PAM: variants seen among roughly 807,000 people sequenced by gnomAD.
PAM encodes peptidylglycine alpha-amidating monooxygenase, also known as peptidyl-glycine alpha-amidating monooxygenase.
Under a neutral mutation model 122.1 loss-of-function variants are expected in PAM, and 72 were observed. The ratio of observed to expected loss-of-function variants is 0.59; its 90% CI spans 0.49 to 0.72. The LOEUF (loss-of-function observed/expected upper bound fraction) is 0.72, where lower values mean the gene tolerates loss of function less well. Among genes scored for constraint, PAM ranks in the 30% least tolerant of loss-of-function variants. The probability of loss-of-function intolerance (pLI) is 0.00; values close to 1 mark genes in which losing one functional copy is unlikely to be tolerated. For missense variants in PAM, 1,106 were observed against 1,183.7 expected (o/e 0.93, Z 0.96); for synonymous variants, 389 against 404.4 (o/e 0.96, Z 0.46).
rs1790397587 is a variant in PAM at position 102,879,830 on chromosome 5, A to G, written c.210+12437A>G. Among the ~76,000 whole-genome samples the G allele has an allele frequency of 2.0e-5, 3 of 152,372 alleles. No individual in the cohort carries two copies. The South Asian group carries it at 6.2e-4, about 32-fold the overall frequency. On this transcript the variant is annotated intron_variant, in intron 3 of 25. Coordinates refer to ENST00000438793, the MANE Select transcript of PAM (RefSeq NM_001177306.2). Reference sequence around the variant, plus strand: ...TGCTTCCGATATTTAGTGTAGTATCATGCTGTACAGGCTTACAGCCTAGAA... The same window carrying G: ...TGCTTCCGATATTTAGTGTAGTATCGTGCTGTACAGGCTTACAGCCTAGAA...
chr5:102,884,677 G>A (rs1792388218), intron 3 of PAM, among the ~76,000 whole-genome samples: 1 of 151,814 alleles, frequency 6.6e-6, no homozygotes, highest in African/African-American at 2.4e-5. Flanking sequence ...AAAGCATTTG[G>A]AACTATTCCA....
At chr5:102,795,660 A>G (rs1239926090) in intron 1 of PAM, among the ~76,000 whole-genome samples, 2 of 152,236 alleles carry the variant, frequency 1.3e-5, no homozygotes, top group African/African-American at 2.4e-5. Flanking sequence ...GATGAGGAAC[A>G]TACGTATTTG....
intron 21 of PAM, 85 bp from the exon 22 acceptor site, chr5:103,017,249 T>G: frequency 1.2e-6 from 1 of 867,946 alleles, no homozygotes; most frequent in Non-Finnish European, 1.9e-6. Context: ...TGTTTTGTTG[T>G]GGGCTTTGCT....
chr5:102,822,072 C>G (rs1478242195), intron 1 of PAM, among the ~76,000 whole-genome samples: 1 of 152,022 alleles, frequency 6.6e-6, no homozygotes, highest in Non-Finnish European at 1.5e-5. Flanking sequence ...TGGGTTAAAT[C>G]CAGAGATAAA....
chr5:102,776,692 T>A lies in PAM; in HGVS notation c.-374+21344T>A, dbSNP rs548254165. Reference sequence around the variant, plus strand: ...TAAAATTTACTCTCTTAACCATTTTTAAATGTACAGGTCAGTAGTATTAAG... The same window carrying A: ...TAAAATTTACTCTCTTAACCATTTTAAAATGTACAGGTCAGTAGTATTAAG... On this transcript the variant is annotated intron_variant, in intron 1 of 25. Coordinates refer to ENST00000438793, the MANE Select transcript of PAM (RefSeq NM_001177306.2). Among the ~76,000 whole-genome samples, 4 of 152,242 alleles carry A rather than the reference T, an allele frequency of 2.6e-5. No homozygotes were observed. In the East Asian group the frequency reaches 7.7e-4, roughly 29 times the overall value.
chr5:103,022,283 C>T (rs770874382), intron 23 of PAM, among the ~76,000 whole-genome samples: 1 of 151,708 alleles, frequency 6.6e-6, no homozygotes, highest in African/African-American at 2.4e-5. Flanking sequence ...TTTCATGTCC[C>T]GTAACCAGTT....
intron 14 of PAM, 118 bp from the exon 15 acceptor site, chr5:102,973,998 C>A: frequency 1.5e-6 from 1 of 653,766 alleles, no homozygotes; most frequent in Non-Finnish European, 2.6e-6. Flanking sequence ...AGTCTGAGTG[C>A]AAACTTCTCT....
chr5:102,790,549 G>T lies in PAM; in HGVS notation c.-374+35201G>T, dbSNP rs76433497. 6.9e-3 allele frequency among the ~76,000 whole-genome samples: 1,049 copies of T among 152,114 alleles called. 9 individuals carry two copies. Among genetic ancestry groups the T allele is most frequent in the Non-Finnish European group, 0.013 (875 of 67,886 alleles). Reference sequence around the variant, plus strand: ...AAGTGATGAGAAACCTATCCTAATAGTGTGGTATTAGGTTAGATAGAGCTT... The same window carrying T: ...AAGTGATGAGAAACCTATCCTAATATTGTGGTATTAGGTTAGATAGAGCTT... On this transcript the variant is annotated intron_variant, in intron 1 of 25. Coordinates refer to ENST00000438793, the MANE Select transcript of PAM (RefSeq NM_001177306.2).
chr5:103,021,024 T>C (rs565467200), intron 23 of PAM, among the ~76,000 whole-genome samples: 4 of 152,114 alleles, frequency 2.6e-5, no homozygotes, highest in East Asian at 3.9e-4. Context: ...AATAAAGACG[T>C]TGGGAAAGAT....
chr5:102,812,829 AT>A, intron 1 of PAM, among the ~76,000 whole-genome samples: 1 of 152,094 alleles, frequency 6.6e-6, no homozygotes, highest in Non-Finnish European at 1.5e-5. Flanking sequence ...TCTATCAAAA[AT>A]ACCTCCATAA....
intron 1 of PAM, chr5:102,864,669 A>AT (rs1210479331): frequency 6.6e-6 from 1 of 152,150 alleles, no homozygotes; most frequent in Non-Finnish European, 1.5e-5. Flanking sequence ...TATTACTGTG[A>AT]AACATTCCGA....
intron 5 of PAM, among the ~76,000 whole-genome samples, chr5:102,918,318 CTATT>C (rs1189921490): frequency 6.6e-6 from 1 of 152,098 alleles, no homozygotes; most frequent in Non-Finnish European, 1.5e-5. Context: ...TTGTTGCACT[CTATT>C]TGTGCTCTAT....
At chr5:102,968,222 GT>G (rs1393670902) in intron 14 of PAM, among the ~76,000 whole-genome samples, 1 of 152,130 alleles carries the variant, frequency 6.6e-6, no homozygotes, top group East Asian at 1.9e-4. Flanking sequence ...GTTTTTTATA[GT>G]AAGATTGATA....
chr5:102,884,072 T>C (rs1396250119), intron 3 of PAM, among the ~76,000 whole-genome samples: 2 of 151,836 alleles, frequency 1.3e-5, no homozygotes, highest in Non-Finnish European at 2.9e-5. Flanking sequence ...TATACATGTG[T>C]CTGTTTGGTT....
rs1777531412 is a variant in PAM, at chr5:102,837,938, G to A, written c.-373-27885G>A. On this transcript the variant is annotated intron_variant, in intron 1 of 25. Coordinates refer to ENST00000438793, the MANE Select transcript of PAM (RefSeq NM_001177306.2). ...TGGCATCATGCATATGCAGAAACCA[G>A]TATAGATATTTATAATTTTTCACAG... 2.6e-5 allele frequency: 4 copies of A among 152,134 alleles called. No homozygotes were observed. In the South Asian group the frequency reaches 8.3e-4, roughly 31 times the overall value. 9.4% of individuals were successfully genotyped at this position (152,134 alleles called of 1,614,324 possible).
chr5:102,973,500 G>A (rs563378649), intron 14 of PAM, among the ~76,000 whole-genome samples: 3 of 152,214 alleles, frequency 2.0e-5, no homozygotes, highest in Admixed American at 6.5e-5. Flanking sequence ...TGATTTAAAA[G>A]TATCCTTTGC....
intron 14 of PAM, among the ~76,000 whole-genome samples, chr5:102,970,657 T>C (rs1378354816): frequency 6.6e-6 from 1 of 152,144 alleles, no homozygotes; most frequent in Non-Finnish European, 1.5e-5. Flanking sequence ...AGAGTTCTTT[T>C]TCCAAAGATA....
At chr5:102,977,244 T>G (rs991978316) in intron 15 of PAM, among the ~76,000 whole-genome samples, 1 of 152,132 alleles carries the variant, frequency 6.6e-6, no homozygotes, top group Non-Finnish European at 1.5e-5. Context: ...TGGTCAGGAT[T>G]CCACTTGTTT....
At chr5:103,006,025 C>A (rs1310657423) in intron 18 of PAM, among the ~76,000 whole-genome samples, 1 of 152,128 alleles carries the variant, frequency 6.6e-6, no homozygotes, top group East Asian at 1.9e-4. Context: ...GCCTCCACCT[C>A]CCAGGCTGAG....
Sources: gnomAD v4.1 joint callset for allele counts (sites outside exome capture counted in the v4.1 genomes callset) on GRCh38, gnomAD v4.1.1 for gene constraint, MANE v1.5 for transcripts, NCBI Gene and HGNC (gene_info 2026-07-23, HGNC 2026-07-21) for gene names.